RAPGEF4: variants seen among roughly 807,000 people sequenced by gnomAD.
The protein encoded by RAPGEF4 is Rap guanine nucleotide exchange factor 4, also known as RAP guanine-nucleotide-exchange factor (GEF) 4.
Under a neutral mutation model 147.9 loss-of-function variants are expected in RAPGEF4, and 66 were observed. The ratio of observed to expected loss-of-function variants is 0.45; its 90% CI spans 0.37 to 0.55. The LOEUF is 0.55. Among genes scored for constraint, RAPGEF4 ranks in the 20% least tolerant of loss-of-function variants. The pLI is 0.00. For missense variants in RAPGEF4, 1,071 were observed against 1,257.3 expected (o/e 0.85, Z 2.24); for synonymous variants, 419 against 442.7 (o/e 0.95, Z 0.67).
chr2:172,811,744 A>G (rs554027346), intron 3 of RAPGEF4, among the ~76,000 whole-genome samples: 1 of 152,310 alleles, frequency 6.6e-6, no homozygotes, highest in South Asian at 2.1e-4. Flanking sequence ...TGCTTCTTCT[A>G]CATCCACTCA....
At chr2:172,951,740 A>C (rs1280872652) in intron 6 of RAPGEF4, among the ~76,000 whole-genome samples, 1 of 152,214 alleles carries the variant, frequency 6.6e-6, no homozygotes, top group Admixed American at 6.5e-5. Context: ...CAGAGGTTGC[A>C]AGGAGCCAGA....
chr2:172,881,414 C>T (rs533838856), intron 4 of RAPGEF4, among the ~76,000 whole-genome samples: 22 of 152,218 alleles, frequency 1.4e-4, no homozygotes, highest in Admixed American at 3.9e-4. Context: ...CTATTTAATG[C>T]CAATATTTTA....
chr2:172,993,564 G>A (rs192363590), intron 15 of RAPGEF4, among the ~76,000 whole-genome samples: 13 of 152,202 alleles, frequency 8.5e-5, no homozygotes, highest in East Asian at 7.7e-4. Flanking sequence ...GACTAGAGTC[G>A]CTCTTTCATG....
intron 10 of RAPGEF4, among the ~76,000 whole-genome samples, chr2:172,982,267 T>C (rs181453760): frequency 6.6e-6 from 1 of 152,342 alleles, no homozygotes; most frequent in East Asian, 1.9e-4. Flanking sequence ...GTTTAATTAG[T>C]AATAATTACA....
intron 25 of RAPGEF4, among the ~76,000 whole-genome samples, chr2:173,029,591 T>C (rs1360205568): frequency 2.0e-5 from 3 of 152,248 alleles, no homozygotes; most frequent in Admixed American, 1.3e-4. Context: ...AGGTTATTTC[T>C]TGGTCAGTTG....
chr2:172,779,563 T>G (rs1341099047), intron 1 of RAPGEF4, among the ~76,000 whole-genome samples: 2 of 152,128 alleles, frequency 1.3e-5, no homozygotes, highest in African/African-American at 2.4e-5. Flanking sequence ...AATGGGTGAC[T>G]GAGGTGGGAC....
intron 5 of RAPGEF4, among the ~76,000 whole-genome samples, chr2:172,921,574 G>A (rs907367397): frequency 5.9e-5 from 9 of 152,188 alleles, no homozygotes; most frequent in African/African-American, 2.2e-4. Context: ...TGTCTCCTCT[G>A]TATAAGGTCA....
intron 1 of RAPGEF4, among the ~76,000 whole-genome samples, chr2:172,767,189 T>C (rs1696927887): frequency 6.6e-6 from 1 of 151,914 alleles, no homozygotes. Context: ...TTTTTTTTTT[T>C]TTTTTTGAGA....
intron 3 of RAPGEF4, among the ~76,000 whole-genome samples, chr2:172,804,058 G>A (rs1306383689): frequency 6.6e-6 from 1 of 152,042 alleles, no homozygotes; most frequent in East Asian, 1.9e-4. Context: ...TACAATTCAA[G>A]ATGAGATTTG....
chr2:172,808,338 G>C (rs933770827), intron 3 of RAPGEF4, among the ~76,000 whole-genome samples: 4 of 152,188 alleles, frequency 2.6e-5, no homozygotes, highest in African/African-American at 9.7e-5. Context: ...TTTACAGCAC[G>C]GTTTGTCAGA....
In RAPGEF4 at chr2:173,036,645, G is replaced by A. The variant is rs1315385509; in HGVS notation, c.2806G>A (p.Glu936Lys). The A allele has an allele frequency of 1.2e-6, 2 of 1,611,412 alleles. No homozygotes were observed. The highest frequency in any genetic ancestry group is 2.7e-5 in the African/African-American group (2 of 74,806). The change falls in exon 29 of 31, where the codon GAG becomes AAG. Residue 936 changes from glutamate (E) to lysine (K), a missense_variant. By Grantham distance (56) the Glu-to-Lys change is moderately conservative. Coordinates refer to ENST00000397081, the MANE Select transcript of RAPGEF4 (RefSeq NM_007023.4). ...LLIKDMTFTH[E>K]GNKTFIDNLV... ...CTTTACAGATATGACATTTACTCATGAGGGGAACAAGACGTTCATTGACAA... is the reference window on the plus strand; with the variant it reads ...CTTTACAGATATGACATTTACTCATAAGGGGAACAAGACGTTCATTGACAA...
intron 18 of RAPGEF4, among the ~76,000 whole-genome samples, chr2:173,015,726 G>A (rs1232519572): frequency 6.6e-6 from 1 of 152,154 alleles, no homozygotes; most frequent in Admixed American, 6.5e-5. Flanking sequence ...CAGCTGCAGG[G>A]TCAGGACAGT....
At position 173,036,146 on chromosome 2, in the gene RAPGEF4, G is replaced by A. The variant is rs1176806042; in HGVS notation, c.2722G>A (p.Ala908Thr). ...TAAGGACCCTTCAAGGAACCACAGG[G>A]CCTACAGGCTGACAGTAGCTAAGCT... ...SLMDPSRNHR[A>T]YRLTVAKLEP... The change falls in exon 28 of 31, where the codon GCC becomes ACC. Residue 908 changes from alanine (A) to threonine (T), a missense_variant. By Grantham distance (58) the Ala-to-Thr change is moderately conservative (BLOSUM62 0). Transcript: ENST00000397081. 1 of 1,612,310 alleles carries A rather than the reference G, an allele frequency of 6.2e-7. No individual in the cohort carries two copies. Among genetic ancestry groups the A allele is most frequent in the East Asian group, 2.2e-5 (1 of 44,868 alleles).
At chr2:172,758,678 C>T (rs113840425) in intron 1 of RAPGEF4, among the ~76,000 whole-genome samples, 2 of 152,062 alleles carry the variant, frequency 1.3e-5, no homozygotes, top group Admixed American at 1.3e-4. Context: ...TAATTCTAAG[C>T]ATTTTGGGCT....
At chr2:172,969,209 A>T (rs1690197098) in intron 10 of RAPGEF4, among the ~76,000 whole-genome samples, 1 of 152,224 alleles carries the variant, frequency 6.6e-6, no homozygotes. Context: ...ATCTCATTTT[A>T]CTACATTTGT....
chr2:172,768,058 C>T (rs866003228), intron 1 of RAPGEF4, among the ~76,000 whole-genome samples: 17 of 151,942 alleles, frequency 1.1e-4, no homozygotes, highest in Middle Eastern at 3.4e-3. Flanking sequence ...GTGATCTGCC[C>T]GCCTCAGCCT....
intron 21 of RAPGEF4, 80 bp downstream of exon 21, chr2:173,017,584 A>G (rs1203139734): frequency 7.3e-7 from 1 of 1,361,666 alleles, no homozygotes; most frequent in Non-Finnish European, 1.0e-6. Context: ...TTGGACCCAC[A>G]GAATAGCTTC....
At chr2:172,739,319 A>G (rs1030880096) in intron 1 of RAPGEF4, among the ~76,000 whole-genome samples, 3 of 151,838 alleles carry the variant, frequency 2.0e-5, no homozygotes, top group African/African-American at 7.3e-5. Flanking sequence ...GATAGGTAAA[A>G]TGTCCTTTCT....
At chr2:173,037,463 T>C (rs1684186937) in intron 29 of RAPGEF4, among the ~76,000 whole-genome samples, 1 of 152,198 alleles carries the variant, frequency 6.6e-6, no homozygotes, top group Non-Finnish European at 1.5e-5. Flanking sequence ...TAGTCCTTAC[T>C]CCTAGCGGGG....
Sources: allele counts gnomAD v4.1 joint callset (sites outside exome capture counted in the v4.1 genomes callset), GRCh38; gene constraint gnomAD v4.1.1; transcripts MANE v1.5; gene names NCBI Gene and HGNC (gene_info 2026-07-23, HGNC 2026-07-21).